Variants in EPHA6 observed in about 807,000 individuals in gnomAD.
EPHA6 encodes EPH receptor A6, also known as ephrin type-A receptor 6.
EPHA6 carries 50 observed loss-of-function variants against 112.0 expected under a neutral mutation model. The observed-to-expected ratio is 0.45, with a 90% confidence interval of 0.36 to 0.56. The LOEUF (loss-of-function observed/expected upper bound fraction) is 0.56, where lower values mean the gene tolerates loss of function less well. EPHA6 is among the 20% of genes least tolerant of loss of function. The pLI is 0.00. For synonymous variants in EPHA6, 529 were observed against 490.7 expected, an observed-to-expected ratio of 1.08 and a Z score of -1.03; for missense variants, 1,280 against 1,417.4, an observed-to-expected ratio of 0.90 and a Z score of 1.56.
chr3:97,599,470 C>T lies in EPHA6; in HGVS notation c.2512+6733C>T, dbSNP rs1342940018. Reference sequence around the variant, plus strand: ...AAGGTGTAAGGAAGGGATCCAGTTTCAGCTTTCTACATATGGCTAGCCAGT... The same window carrying T: ...AAGGTGTAAGGAAGGGATCCAGTTTTAGCTTTCTACATATGGCTAGCCAGT... On this transcript the variant is annotated intron_variant, in intron 12 of 17. Transcript: ENST00000389672. Among the ~76,000 whole-genome samples the T allele has an allele frequency of 3.5e-5, 5 of 142,254 alleles. No individual in the cohort carries two copies. The South Asian group carries it at 9.6e-4, about 27-fold the overall frequency. The allele number at this position is 142,254 out of a possible 152,430, so 93.3% of individuals were successfully genotyped here. A position where few individuals can be genotyped will look rare whatever the true frequency, so the allele number is the denominator to read the frequency against.
At chr3:97,030,776 A>G (rs2044801664) in intron 3 of EPHA6, among the ~76,000 whole-genome samples, 1 of 152,080 alleles carries the variant, frequency 6.6e-6, no homozygotes, top group Non-Finnish European at 1.5e-5. Context: ...ATACAAATTT[A>G]TATCTACTAT....
chr3:97,586,814 T>G (rs1277136232), intron 11 of EPHA6, among the ~76,000 whole-genome samples: 4 of 152,186 alleles, frequency 2.6e-5, no homozygotes, highest in Non-Finnish European at 1.5e-5. Context: ...GGCATTGCAT[T>G]AGGTTCAATA....
At chr3:96,887,909 G>A (rs1053328818) in intron 2 of EPHA6, among the ~76,000 whole-genome samples, 6 of 151,964 alleles carry the variant, frequency 3.9e-5, no homozygotes, top group African/African-American at 9.7e-5. Context: ...CAGCTCCCAC[G>A]CAAACCAAAG....
chr3:96,901,744 G>A (rs995041366), intron 2 of EPHA6, among the ~76,000 whole-genome samples: 1 of 151,996 alleles, frequency 6.6e-6, no homozygotes, highest in Non-Finnish European at 1.5e-5. Flanking sequence ...CATTTTCTGG[G>A]CAAGACCCTG....
At chr3:97,237,555 A>G (rs2078716603) in intron 4 of EPHA6, among the ~76,000 whole-genome samples, 1 of 152,012 alleles carries the variant, frequency 6.6e-6, no homozygotes, top group African/African-American at 2.4e-5. Flanking sequence ...TCTCAGAAAG[A>G]ATTGTCCCAC....
At chr3:97,234,136 G>T (rs906053520) in intron 4 of EPHA6, among the ~76,000 whole-genome samples, 81 of 152,094 alleles carry the variant, frequency 5.3e-4, no homozygotes, top group African/African-American at 1.9e-3. Flanking sequence ...GTCTCAAATG[G>T]CTACAGTCTA....
chr3:96,866,344 C>A (rs990590410), intron 1 of EPHA6, among the ~76,000 whole-genome samples: 2 of 151,820 alleles, frequency 1.3e-5, no homozygotes, highest in African/African-American at 4.8e-5. Flanking sequence ...GTAGTCAGTG[C>A]TTTAAAGATT....
chr3:96,938,684 G>A (rs1239089157), intron 2 of EPHA6, among the ~76,000 whole-genome samples: 1 of 151,636 alleles, frequency 6.6e-6, no homozygotes, highest in Non-Finnish European at 1.5e-5. Context: ...CCTGTCTTGT[G>A]CCAGTTTTCA....
At chr3:96,886,016 G>T (rs2037599227) in intron 2 of EPHA6, among the ~76,000 whole-genome samples, 5 of 152,102 alleles carry the variant, frequency 3.3e-5, no homozygotes, top group African/African-American at 9.7e-5. Context: ...TTTAATTTCT[G>T]TGTATTTGCA....
intron 1 of EPHA6, among the ~76,000 whole-genome samples, chr3:96,817,531 TGAG>T (rs2032895703): frequency 6.6e-6 from 1 of 151,940 alleles, no homozygotes; most frequent in Non-Finnish European, 1.5e-5. Flanking sequence ...TATTTAGTAT[TGAG>T]AAGATAGTTT....
At chr3:96,969,081 A>G (rs1017476684) in intron 2 of EPHA6, among the ~76,000 whole-genome samples, 2 of 151,918 alleles carry the variant, frequency 1.3e-5, no homozygotes, top group Non-Finnish European at 2.9e-5. Context: ...CAGCAGTTTA[A>G]AACAACTCTT....
intron 1 of EPHA6, among the ~76,000 whole-genome samples, chr3:96,846,014 C>T (rs927904117): frequency 6.6e-6 from 1 of 151,976 alleles, no homozygotes; most frequent in Non-Finnish European, 1.5e-5. Context: ...AATACAAAAT[C>T]ACAATGCTTA....
intron 2 of EPHA6, among the ~76,000 whole-genome samples, chr3:96,977,974 C>T (rs1031903296): frequency 6.6e-6 from 1 of 152,026 alleles, no homozygotes; most frequent in African/African-American, 2.4e-5. Context: ...GCCTGGGCAA[C>T]ATGGCAAAAT....
chr3:97,684,111 C>T (rs2032072796), intron 14 of EPHA6, among the ~76,000 whole-genome samples: 1 of 152,108 alleles, frequency 6.6e-6, no homozygotes, highest in Admixed American at 6.6e-5. Flanking sequence ...ACATGTCTAC[C>T]TCCCCATGAA....
At chr3:97,140,061 T>C (rs1365048261) in intron 3 of EPHA6, among the ~76,000 whole-genome samples, 1 of 152,028 alleles carries the variant, frequency 6.6e-6, no homozygotes, top group Non-Finnish European at 1.5e-5. Flanking sequence ...ATTACTTTAA[T>C]TGAAAGCTCT....
chr3:97,641,847 G>A (rs1434207592), intron 14 of EPHA6, among the ~76,000 whole-genome samples: 1 of 152,082 alleles, frequency 6.6e-6, no homozygotes, highest in Non-Finnish European at 1.5e-5. Context: ...CTGCAAGGCG[G>A]CAGCGAGGCT....
chr3:97,303,440 C>T (rs778916354), intron 5 of EPHA6, among the ~76,000 whole-genome samples: 2 of 151,564 alleles, frequency 1.3e-5, no homozygotes, highest in African/African-American at 4.8e-5. Flanking sequence ...AGAGCAAGAC[C>T]GAGCAAGAGA....
intron 14 of EPHA6, among the ~76,000 whole-genome samples, chr3:97,655,236 A>G (rs1235972139): frequency 6.6e-6 from 1 of 151,642 alleles, no homozygotes; most frequent in Non-Finnish European, 1.5e-5. Flanking sequence ...TCACACGGCT[A>G]TTCCATGGGA....
At chr3:96,855,309 A>G (rs1559775673) in intron 1 of EPHA6, among the ~76,000 whole-genome samples, 1 of 152,182 alleles carries the variant, frequency 6.6e-6, no homozygotes, top group Non-Finnish European at 1.5e-5. Flanking sequence ...TCCGTGTAAC[A>G]GCATATACAT....
Sources: gnomAD v4.1 joint callset for allele counts (sites outside exome capture counted in the v4.1 genomes callset) on GRCh38, gnomAD v4.1.1 for gene constraint, MANE v1.5 for transcripts, NCBI Gene and HGNC (gene_info 2026-07-23, HGNC 2026-07-21) for gene names.